WASF3: variants seen among roughly 807,000 people sequenced by gnomAD.
The protein encoded by WASF3 is actin-binding protein WASF3.
WASF3 carries 11 observed loss-of-function variants against 46.6 expected under a neutral mutation model. The ratio of observed to expected loss-of-function variants is 0.24; its 90% confidence interval spans 0.15 to 0.39. WASF3 has a LOEUF of 0.39. WASF3 is among the 10% of genes least tolerant of loss of function. The probability of loss-of-function intolerance (pLI) is 1.00; values close to 1 mark genes in which losing one functional copy is unlikely to be tolerated. For missense variants in WASF3, 576 were observed against 669.8 expected, an observed-to-expected ratio of 0.86 and a Z score of 1.55; for synonymous variants, 242 against 259.7, an observed-to-expected ratio of 0.93 and a Z score of 0.65.
intron 1 of WASF3, 97 bp downstream of exon 1, chr13:26,557,916 C>G: frequency 3.7e-6 from 1 of 271,098 alleles, no homozygotes; most frequent in Non-Finnish European, 6.9e-6. Context: ...GGCGGCCCCA[C>G]GGCGAACTGA....
chr13:26,643,735 C>T (rs572320640), intron 3 of WASF3, among the ~76,000 whole-genome samples: 1 of 152,312 alleles, frequency 6.6e-6, no homozygotes, highest in East Asian at 1.9e-4. Flanking sequence ...CATAAACTGT[C>T]AGAGTTTTAA....
Position 26,687,723 on chromosome 13 carries a change from C to CTCTTTTTTTT in WASF3, c.*1879_*1880insCTTTTTTTTT, listed in dbSNP as rs1555257029. The CTCTTTTTTTT allele has an allele frequency of 7.2e-6, 1 of 139,078 alleles. No homozygotes were observed. 8.6% of individuals were successfully genotyped at this position (139,078 alleles called of 1,614,324 possible). ...AAATTTCTAATTTCTCTCTCTCTCT[C>CTCTTTTTTTT]TTTTTTTTTTTTTTGTTGTTGTTAA... On this transcript the variant is annotated 3_prime_UTR_variant, in exon 10 of 10. Coordinates refer to ENST00000335327, the MANE Select transcript of WASF3 (RefSeq NM_006646.6).
intron 1 of WASF3, among the ~76,000 whole-genome samples, chr13:26,601,488 G>A (rs1880641126): frequency 6.6e-6 from 1 of 152,108 alleles, no homozygotes; most frequent in South Asian, 2.1e-4. Flanking sequence ...GGATGATGGG[G>A]GATGATGGAG....
At chr13:26,592,773 T>C (rs1416200726) in intron 1 of WASF3, among the ~76,000 whole-genome samples, 1 of 152,196 alleles carries the variant, frequency 6.6e-6, no homozygotes, top group African/African-American at 2.4e-5. Flanking sequence ...GAAGACATTC[T>C]TATCAGTGTC....
chr13:26,586,557 CTCT>C (rs1880133268), intron 1 of WASF3, among the ~76,000 whole-genome samples: 1 of 152,104 alleles, frequency 6.6e-6, no homozygotes, highest in Non-Finnish European at 1.5e-5. Flanking sequence ...AGGGGATGTT[CTCT>C]ACCCTTATTC....
intron 1 of WASF3, among the ~76,000 whole-genome samples, chr13:26,561,693 C>T (rs927664455): frequency 6.6e-6 from 1 of 152,164 alleles, no homozygotes; most frequent in South Asian, 2.1e-4. Flanking sequence ...ACACATAGTT[C>T]CGTCTCTTCA....
chr13:26,634,334 G>A (rs977877724), intron 2 of WASF3, among the ~76,000 whole-genome samples: 4 of 152,118 alleles, frequency 2.6e-5, no homozygotes, highest in South Asian at 4.1e-4. Flanking sequence ...CTTTCCATTT[G>A]CTTGGTAGAT....
intron 9 of WASF3, 104 bp from the exon 10 acceptor site, chr13:26,685,584 T>C: frequency 7.2e-7 from 1 of 1,390,068 alleles, no homozygotes; most frequent in Admixed American, 2.1e-5. Flanking sequence ...CTTTCTGTCC[T>C]TAGTGTCAGT....
intron 1 of WASF3, among the ~76,000 whole-genome samples, chr13:26,594,140 C>G (rs996167785): frequency 1.3e-5 from 2 of 152,088 alleles, no homozygotes; most frequent in African/African-American, 4.8e-5. Context: ...GGGCCTTTTT[C>G]TCCTGGAATT....
chr13:26,545,796 G>T, the WASF3 span, among the ~76,000 whole-genome samples: 1 of 152,094 alleles, frequency 6.6e-6, no homozygotes, highest in African/African-American at 2.4e-5. Context: ...TAGAAACAGG[G>T]TCTCACTCTG....
chr13:26,601,554 T>A (rs1056580578), intron 1 of WASF3, among the ~76,000 whole-genome samples: 2 of 152,208 alleles, frequency 1.3e-5, no homozygotes, highest in South Asian at 2.1e-4. Flanking sequence ...GTTGACAGAT[T>A]CAGCTGGCAT....
intron 2 of WASF3, among the ~76,000 whole-genome samples, chr13:26,632,617 AT>A (rs1470205844): frequency 2.6e-5 from 4 of 152,208 alleles, no homozygotes; most frequent in Admixed American, 2.6e-4. Flanking sequence ...CATCAGGGAT[AT>A]TGATCTAAAA....
chr13:26,670,338 G>A (rs933406290), intron 5 of WASF3, among the ~76,000 whole-genome samples: 9 of 151,920 alleles, frequency 5.9e-5, no homozygotes, highest in Non-Finnish European at 1.5e-5. Context: ...CACATACCGG[G>A]CCTGTTGGGG....
At chr13:26,635,424 G>A (rs956574913) in intron 2 of WASF3, among the ~76,000 whole-genome samples, 4 of 152,128 alleles carry the variant, frequency 2.6e-5, no homozygotes, top group African/African-American at 9.7e-5. Flanking sequence ...CCTTGCAATG[G>A]GTTAGAACAT....
chr13:26,546,970 A>G, the WASF3 span, among the ~76,000 whole-genome samples: 1 of 152,096 alleles, frequency 6.6e-6, no homozygotes, highest in African/African-American at 2.4e-5. Flanking sequence ...TCTACTTACC[A>G]TGTCTGAAGC....
intron 3 of WASF3, among the ~76,000 whole-genome samples, chr13:26,661,508 A>T (rs1179433776): frequency 6.6e-6 from 1 of 152,190 alleles, no homozygotes; most frequent in Non-Finnish European, 1.5e-5. Flanking sequence ...CATTTTGTTT[A>T]TCCGTTCATG....
At chr13:26,544,341 A>T in the WASF3 span, among the ~76,000 whole-genome samples, 1 of 152,138 alleles carries the variant, frequency 6.6e-6, no homozygotes, top group East Asian at 1.9e-4. Context: ...TAAGATGCAT[A>T]GTAAGATGGA....
At chr13:26,676,502 C>T in intron 6 of WASF3, 47 bp from the exon 7 acceptor site, 1 of 1,589,666 alleles carries the variant, frequency 6.3e-7, no homozygotes, top group Non-Finnish European at 8.5e-7. Flanking sequence ...AGCTGTTTTC[C>T]TTTCCCTTCT....
At chr13:26,645,636 TCTA>T (rs1295339037) in intron 3 of WASF3, among the ~76,000 whole-genome samples, 1 of 152,134 alleles carries the variant, frequency 6.6e-6, no homozygotes, top group Non-Finnish European at 1.5e-5. Context: ...TCTGTTTTAA[TCTA>T]CTATTCTTTT....
Sources: gnomAD v4.1 joint callset for allele counts (sites outside exome capture counted in the v4.1 genomes callset) on GRCh38, gnomAD v4.1.1 for gene constraint, MANE v1.5 for transcripts, NCBI Gene and HGNC (gene_info 2026-07-23, HGNC 2026-07-21) for gene names.